MYRIP: variants seen among roughly 807,000 people sequenced by gnomAD.
MYRIP encodes the protein myosin VIIA and Rab interacting protein, also known as rab effector MyRIP.
MYRIP carries 49 observed loss-of-function variants against 98.0 expected under a neutral mutation model. The ratio of observed to expected loss-of-function variants is 0.50; its 90% confidence interval spans 0.40 to 0.63. The LOEUF (loss-of-function observed/expected upper bound fraction) is 0.63. MYRIP is among the 30% of genes least tolerant of loss of function. The pLI is 0.00. For missense variants in MYRIP, 1,004 were observed against 1,058.2 expected, an observed-to-expected ratio of 0.95 and a Z score of 0.71; for synonymous variants, 404 against 409.5, an observed-to-expected ratio of 0.99 and a Z score of 0.16.
chr3:40,148,115 GCATT>G (rs1182820732), intron 3 of MYRIP, among the ~76,000 whole-genome samples: 1 of 152,104 alleles, frequency 6.6e-6, no homozygotes, highest in African/African-American at 2.4e-5. Flanking sequence ...CTGTCTTCTA[GCATT>G]CATTGTTATT....
At chr3:39,914,498 A>G (rs1206951443) in intron 2 of MYRIP, among the ~76,000 whole-genome samples, 1 of 152,170 alleles carries the variant, frequency 6.6e-6, no homozygotes, top group Non-Finnish European at 1.5e-5. Flanking sequence ...CTAGCCAATA[A>G]TATAGTCAAA....
chr3:39,814,696 C>G (rs1022582275), intron 1 of MYRIP, among the ~76,000 whole-genome samples: 1 of 152,142 alleles, frequency 6.6e-6, no homozygotes, highest in Non-Finnish European at 1.5e-5. Context: ...ATTATTAAAG[C>G]TTTATAATAA....
At chr3:40,007,570 CT>C (rs1372029106) in intron 2 of MYRIP, among the ~76,000 whole-genome samples, 2 of 152,182 alleles carry the variant, frequency 1.3e-5, no homozygotes, top group African/African-American at 2.4e-5. Context: ...TCAGTTTCTT[CT>C]TTTGCATATG....
intron 2 of MYRIP, among the ~76,000 whole-genome samples, chr3:39,956,252 T>C (rs1055045236): frequency 2.0e-5 from 3 of 152,142 alleles, no homozygotes; most frequent in Admixed American, 2.0e-4. Flanking sequence ...ATTGCACTTA[T>C]TCCAAAATCG....
At chr3:39,932,103 C>A (rs374480373) in intron 2 of MYRIP, among the ~76,000 whole-genome samples, 2 of 152,048 alleles carry the variant, frequency 1.3e-5, no homozygotes, top group African/African-American at 4.8e-5. Flanking sequence ...TGTTTATGGC[C>A]CCATGCTGGT....
intron 2 of MYRIP, among the ~76,000 whole-genome samples, chr3:39,983,377 T>C (rs767417682): frequency 1.3e-5 from 2 of 152,238 alleles, no homozygotes; most frequent in Non-Finnish European, 2.9e-5. Flanking sequence ...TTATTTGCTG[T>C]ATACCATAAT....
chr3:40,217,756 A>G (rs573198827), intron 11 of MYRIP, among the ~76,000 whole-genome samples: 151 of 152,304 alleles, frequency 9.9e-4, no homozygotes, highest in Non-Finnish European at 1.8e-3. Context: ...AAGCCCATCC[A>G]TAAACCCCAA....
chr3:40,158,467 A>T (rs913565080), intron 4 of MYRIP, among the ~76,000 whole-genome samples: 7 of 152,168 alleles, frequency 4.6e-5, no homozygotes, highest in African/African-American at 1.7e-4. Context: ...AAAAATGTAT[A>T]TTCTGTTGAT....
chr3:40,039,338 T>C (rs1947458448), intron 2 of MYRIP, among the ~76,000 whole-genome samples: 1 of 152,102 alleles, frequency 6.6e-6, no homozygotes, highest in East Asian at 1.9e-4. Context: ...TTAAAAAGTC[T>C]TGTCTAACTT....
At chr3:39,976,791 C>A (rs1039518127) in intron 2 of MYRIP, among the ~76,000 whole-genome samples, 1 of 152,072 alleles carries the variant, frequency 6.6e-6, no homozygotes, top group East Asian at 1.9e-4. Context: ...CAAACTATCA[C>A]AAGGACAAAA....
intron 3 of MYRIP, among the ~76,000 whole-genome samples, chr3:40,085,068 A>C (rs1447935248): frequency 1.3e-5 from 2 of 150,920 alleles, no homozygotes; most frequent in Non-Finnish European, 3.0e-5. Flanking sequence ...TGTGTTATAT[A>C]TCCACAGATA....
At position 40,100,295 on chromosome 3, in the gene MYRIP, A is replaced by T. The variant is rs1460419062; in HGVS notation, c.333-50753A>T. The T allele has an allele frequency of 3.1e-6, 3 of 981,472 alleles. No homozygotes were observed. In the East Asian group the frequency reaches 3.4e-4, roughly 112 times the overall value. The allele number at this position is 981,472 out of a possible 1,614,324, so 60.8% of individuals were successfully genotyped here. ...AACATTGACTTGTCCTTTATTTCACAATTTGCTATTATTGATTATGTACTA... is the reference window on the plus strand; with the variant it reads ...AACATTGACTTGTCCTTTATTTCACTATTTGCTATTATTGATTATGTACTA... On this transcript the variant is annotated intron_variant, in intron 3 of 16. Transcript: ENST00000302541.
At chr3:40,112,945 G>C (rs547254029) in intron 3 of MYRIP, among the ~76,000 whole-genome samples, 1 of 152,068 alleles carries the variant, frequency 6.6e-6, no homozygotes, top group Non-Finnish European at 1.5e-5. Flanking sequence ...CCTTTCTCTC[G>C]AGCCTGATCT....
chr3:40,009,478 C>T (rs759501685), intron 2 of MYRIP, among the ~76,000 whole-genome samples: 8 of 152,046 alleles, frequency 5.3e-5, no homozygotes, highest in Admixed American at 2.0e-4. Flanking sequence ...CCTCATGATC[C>T]GCCCGCCTCG....
intron 2 of MYRIP, among the ~76,000 whole-genome samples, chr3:39,941,409 G>A (rs1481565891): frequency 6.6e-6 from 1 of 151,704 alleles, no homozygotes; most frequent in Non-Finnish European, 1.5e-5. Context: ...TCCAACATTG[G>A]GAATCACATT....
chr3:40,057,313 A>T (rs1488769762), intron 3 of MYRIP, among the ~76,000 whole-genome samples: 1 of 152,212 alleles, frequency 6.6e-6, no homozygotes, highest in African/African-American at 2.4e-5. Flanking sequence ...AGCCTGACTC[A>T]TCAAAGCCGG....
At chr3:40,074,388 A>G (rs1458465643) in intron 3 of MYRIP, among the ~76,000 whole-genome samples, 1 of 152,162 alleles carries the variant, frequency 6.6e-6, no homozygotes, top group East Asian at 1.9e-4. Flanking sequence ...TTCTTATGTC[A>G]AAGAAAAACT....
In MYRIP at chr3:39,943,134, T is replaced by C. The variant is rs1036910789; in HGVS notation, c.110+42208T>C. ...TGAGACTGGGTTCAAGAATGTGAAG[T>C]GATCTTAATGATCTACAAATTTTCT... On this transcript the variant is annotated intron_variant, in intron 2 of 16. Coordinates refer to ENST00000302541, the MANE Select transcript of MYRIP (RefSeq NM_015460.4). Among the ~76,000 whole-genome samples the C allele has an allele frequency of 2.0e-5, 3 of 152,278 alleles. No homozygotes were observed. The East Asian group carries it at 5.8e-4, about 29-fold the overall frequency.
Position 39,833,607 on chromosome 3 carries a change from G to A in MYRIP, c.-31+23691G>A, listed in dbSNP as rs185454654. ...CAGGTTCTCCTTTGCCTGGCATAGC[G>A]TTGGGTACAAGTAGGCACTTAAACA... On this transcript the variant is annotated intron_variant, in intron 1 of 16. Coordinates refer to ENST00000302541, the MANE Select transcript of MYRIP (RefSeq NM_015460.4). Among the ~76,000 whole-genome samples, 146 of 152,300 alleles carry A rather than the reference G, an allele frequency of 9.6e-4. 1 individual carries two copies. The highest frequency in any genetic ancestry group is 5.6e-3 in the South Asian group (27 of 4,826).
Sources: allele counts gnomAD v4.1 joint callset (sites outside exome capture counted in the v4.1 genomes callset), GRCh38; gene constraint gnomAD v4.1.1; transcripts MANE v1.5; gene names NCBI Gene and HGNC (gene_info 2026-07-23, HGNC 2026-07-21).